LYPD6: variants seen among roughly 807,000 people sequenced by gnomAD.
LYPD6 encodes ly6/PLAUR domain-containing protein 6.
Under a neutral mutation model 22.7 loss-of-function variants are expected in LYPD6, and 15 were observed. The ratio of observed to expected loss-of-function variants is 0.66; its 90% CI spans 0.44 to 1.02. The LOEUF (loss-of-function observed/expected upper bound fraction) is 1.02. Ranked by LOEUF, LYPD6 falls within the 50% of genes least tolerant of loss-of-function variation. The probability of loss-of-function intolerance (pLI) is 0.00; values close to 1 mark genes in which losing one functional copy is unlikely to be tolerated. For missense variants in LYPD6, 189 were observed against 208.4 expected (o/e 0.91, Z 0.57); for synonymous variants, 72 against 77.5 (o/e 0.93, Z 0.37).
chr2:149,381,394 A>G (rs1682059710), intron 1 of LYPD6, among the ~76,000 whole-genome samples: 1 of 152,142 alleles, frequency 6.6e-6, no homozygotes, highest in Non-Finnish European at 1.5e-5. Flanking sequence ...TCTGTTGACG[A>G]GGTGGCCCTG....
At chr2:149,437,987 A>G (rs929309261) in intron 2 of LYPD6, among the ~76,000 whole-genome samples, 161 bp downstream of exon 2, 1 of 152,070 alleles carries the variant, frequency 6.6e-6, no homozygotes, top group Non-Finnish European at 1.5e-5. Flanking sequence ...CTTTACCCTC[A>G]CCTTTTCACA....
chr2:149,437,835 G>T lies in LYPD6; in HGVS notation c.118+9G>T. 6.2e-7 allele frequency: 1 copy of T among 1,613,288 alleles called. No individual in the cohort carries two copies. The highest frequency in any genetic ancestry group is 8.5e-7 in the Non-Finnish European group (1 of 1,179,300). On this transcript the variant is annotated intron_variant, in intron 2 of 4. Coordinates refer to ENST00000334166, the MANE Select transcript of LYPD6 (RefSeq NM_194317.5). The stretch of plus-strand genomic sequence containing the variant: ...CTACCTCCATCCTTCAAGTAAGACT[G>T]TTCTCTTTGCTGCAGAAATATCACT...
At chr2:149,413,867 T>G (rs2105125108) in intron 1 of LYPD6, among the ~76,000 whole-genome samples, 1 of 152,340 alleles carries the variant, frequency 6.6e-6, no homozygotes, top group East Asian at 1.9e-4. Context: ...CTACTCTAAT[T>G]CTGGGGTCCA....
At chr2:149,483,416 A>C in the LYPD6 span, among the ~76,000 whole-genome samples, 2 of 152,156 alleles carry the variant, frequency 1.3e-5, no homozygotes, top group Non-Finnish European at 2.9e-5. Context: ...GAGAGGTTTT[A>C]ATGCTCCCAT....
At chr2:149,478,598 CT>C (rs1053224991), downstream of LYPD6, among the ~76,000 whole-genome samples, 6 of 151,608 alleles carry the variant, frequency 4.0e-5, no homozygotes, top group African/African-American at 1.5e-4. Flanking sequence ...TAACTTTTTA[CT>C]TTTTTGTAGA....
At chr2:149,405,194 T>C (rs1275552707) in intron 1 of LYPD6, among the ~76,000 whole-genome samples, 1 of 152,096 alleles carries the variant, frequency 6.6e-6, no homozygotes, top group Non-Finnish European at 1.5e-5. Flanking sequence ...TCTAAAATTC[T>C]CTTTTTTGGT....
intron 1 of LYPD6, among the ~76,000 whole-genome samples, chr2:149,387,710 A>C (rs943328535): frequency 2.6e-5 from 4 of 152,148 alleles, no homozygotes; most frequent in Non-Finnish European, 5.9e-5. Flanking sequence ...CAGCAAGGGG[A>C]ATAGGTCAGA....
chr2:149,380,661 A>C (rs1682039637), intron 1 of LYPD6, among the ~76,000 whole-genome samples: 1 of 152,148 alleles, frequency 6.6e-6, no homozygotes, highest in Non-Finnish European at 1.5e-5. Flanking sequence ...CCAGGAGAAA[A>C]CGTTGGGTAA....
intron 1 of LYPD6, among the ~76,000 whole-genome samples, chr2:149,377,310 T>C (rs986606267): frequency 1.4e-5 from 2 of 141,716 alleles, no homozygotes; most frequent in African/African-American, 5.2e-5. Context: ...GCTTAATCAC[T>C]GGAAAAAAAA....
At chr2:149,437,046 T>G (rs960366177) in intron 1 of LYPD6, among the ~76,000 whole-genome samples, 1 of 152,220 alleles carries the variant, frequency 6.6e-6, no homozygotes, top group African/African-American at 2.4e-5. Context: ...GCCTACCTCA[T>G]ACGGTTGCTG....
At chr2:149,479,212 C>G in the LYPD6 span, among the ~76,000 whole-genome samples, 1 of 152,170 alleles carries the variant, frequency 6.6e-6, no homozygotes, top group Non-Finnish European at 1.5e-5. Flanking sequence ...TTCCATGAAC[C>G]ACCCACCCCA....
In LYPD6 at chr2:149,470,841, C is replaced by T. The variant is rs1558819933; in HGVS notation, c.507C>T (p.Leu169=). The change falls in exon 5 of 5, where the codon CTC becomes CTT. Residue 169 remains leucine, a synonymous_variant. Transcript: ENST00000334166. ...IVSCLWLWLG[L]ML ...CCTGCTTGTGGTTGTGGTTAGGGCT[C>T]ATGTTATAGTGGCTCAGTGGCTCCA... is the stretch of plus-strand genomic sequence containing the variant. 4 of 1,611,784 alleles carry T rather than the reference C, an allele frequency of 2.5e-6. No homozygotes were observed. Among genetic ancestry groups the T allele is most frequent in the East Asian group, 2.2e-5 (1 of 44,804 alleles).
intron 1 of LYPD6, among the ~76,000 whole-genome samples, chr2:149,390,320 AGG>A (rs1682280329): frequency 6.6e-6 from 1 of 152,192 alleles, no homozygotes; most frequent in Non-Finnish European, 1.5e-5. Flanking sequence ...TCCTTTGGGA[AGG>A]ACAGTGGCCC....
chr2:149,395,442 A>G (rs1232929107), intron 1 of LYPD6, among the ~76,000 whole-genome samples: 1 of 151,982 alleles, frequency 6.6e-6, no homozygotes, highest in East Asian at 1.9e-4. Context: ...TATATGCTTT[A>G]TTTTTTCTTT....
chr2:149,452,977 G>A (rs1301241975), intron 3 of LYPD6, among the ~76,000 whole-genome samples: 1 of 152,164 alleles, frequency 6.6e-6, no homozygotes, highest in African/African-American at 2.4e-5. Context: ...TTGTGCCTCT[G>A]GTGCTTCCAG....
At chr2:149,426,486 A>G (rs1192638834) in intron 1 of LYPD6, among the ~76,000 whole-genome samples, 1 of 152,198 alleles carries the variant, frequency 6.6e-6, no homozygotes, top group African/African-American at 2.4e-5. Flanking sequence ...GCTAGCTACA[A>G]GGGCAGATGG....
intron 1 of LYPD6, among the ~76,000 whole-genome samples, chr2:149,365,963 T>A (rs1028829512): frequency 6.6e-6 from 1 of 152,196 alleles, no homozygotes; most frequent in Admixed American, 6.5e-5. Context: ...ATAGATCTTA[T>A]AACCGTATGT....
intron 1 of LYPD6, among the ~76,000 whole-genome samples, chr2:149,406,152 A>C (rs1442558452): frequency 1.3e-5 from 2 of 149,536 alleles, no homozygotes; most frequent in African/African-American, 4.9e-5. Flanking sequence ...CTTTACTTCC[A>C]AGTATGTGGT....
intron 1 of LYPD6, chr2:149,367,622 C>T (rs981317): frequency 0.036 from 5,401 of 151,982 alleles, 308 homozygotes; most frequent in African/African-American, 0.12. Flanking sequence ...ACCTTTTTTT[C>T]GTAGTTAAAA....
Sources: gnomAD v4.1 joint callset for allele counts (sites outside exome capture counted in the v4.1 genomes callset) on GRCh38, gnomAD v4.1.1 for gene constraint, MANE v1.5 for transcripts, NCBI Gene and HGNC (gene_info 2026-07-23, HGNC 2026-07-21) for gene names.